EMSY: variants seen among roughly 807,000 people sequenced by gnomAD.
The protein encoded by EMSY is BRCA2-interacting transcriptional repressor EMSY.
Under a neutral mutation model 134.6 loss-of-function variants are expected in EMSY, and 26 were observed. That is an observed-to-expected ratio of 0.19 (90% CI 0.14 to 0.27). EMSY has a LOEUF of 0.27. Among genes scored for constraint, EMSY ranks in the 10% least tolerant of loss-of-function variants. The pLI is 1.00. For missense variants in EMSY, 1,305 were observed against 1,611.4 expected (o/e 0.81, Z 3.26); for synonymous variants, 579 against 577.8 (o/e 1.00, Z -0.03).
intron 9 of EMSY, among the ~76,000 whole-genome samples, chr11:76,509,001 TATTG>T (rs1013194880): frequency 2.0e-5 from 3 of 152,098 alleles, no homozygotes; most frequent in Admixed American, 6.6e-5. Context: ...ACACAACATT[TATTG>T]ATTAAGTACA....
chr11:76,528,428 G>A lies in EMSY; in HGVS notation c.2156G>A (p.Ser719Asn), dbSNP rs760726884. 24 of 1,611,370 alleles carry A rather than the reference G, an allele frequency of 1.5e-5. No individual in the cohort carries two copies. In the Admixed American group the frequency reaches 2.7e-4, roughly 18 times the overall value. ...GAAGAACCACAGAATTATACAGATA[G>A]TAGTTCCTCTTCTACAGAGTCCTCC... Residue 719 changes from serine to asparagine, a missense_variant, in exon 14 of 21, where the codon AGT (serine) becomes AAT (asparagine). Physicochemically the swap from Ser to Asn is conservative, Grantham distance 46 (BLOSUM62 1). Around this residue, in one of 7 missense-constraint regions of EMSY, gnomAD observed 664 missense variants for 763.9 expected, o/e 0.87. Coordinates refer to ENST00000334736, the Ensembl canonical transcript of EMSY.
intron 10 of EMSY, among the ~76,000 whole-genome samples, chr11:76,514,666 G>A (rs1361343313): frequency 6.6e-6 from 1 of 152,048 alleles, no homozygotes; most frequent in Non-Finnish European, 1.5e-5. Flanking sequence ...TCACATTGTT[G>A]TATAACCATC....
In EMSY at chr11:76,454,809, A is replaced by G; in HGVS notation, c.245+1421A>G. ...GTTACAGGTATGCAAATAGGTTATT[A>G]TTATTTCAGGCTTTTTCTTGTATTT... is the stretch of plus-strand genomic sequence containing the variant. On this transcript the variant is annotated intron_variant, in intron 4 of 20. Coordinates refer to ENST00000334736, the Ensembl canonical transcript of EMSY. 1 of 1,425,802 alleles carries G rather than the reference A, an allele frequency of 7.0e-7. No individual in the cohort carries two copies. Among genetic ancestry groups the G allele is most frequent in the Non-Finnish European group, 9.4e-7 (1 of 1,061,526 alleles). 88.3% of individuals were successfully genotyped at this position (1,425,802 alleles called of 1,614,324 possible).
At chr11:76,521,579 G>A (rs1950638423) in intron 11 of EMSY, among the ~76,000 whole-genome samples, 1 of 151,852 alleles carries the variant, frequency 6.6e-6, no homozygotes, top group Non-Finnish European at 1.5e-5. Flanking sequence ...CCTGGGTAAT[G>A]TAGTAAGACC....
chr11:76,544,814 G>C (rs1179333713), exon 19 of EMSY: 1 of 1,613,926 alleles, frequency 6.2e-7, no homozygotes, highest in Non-Finnish European at 8.5e-7. Context: ...GAAACAGACG[G>C]CAAGCCAGGT....
At chr11:76,472,715 C>T (rs1269349081) in exon 8 of EMSY, 2 of 1,614,184 alleles carry the variant, frequency 1.2e-6, no homozygotes, top group Admixed American at 1.7e-5. Context: ...GCTTCACAGT[C>T]CTCTCTGGTC....
chr11:76,513,746 A>G (rs1950355633), intron 10 of EMSY, among the ~76,000 whole-genome samples: 1 of 151,612 alleles, frequency 6.6e-6, no homozygotes, highest in East Asian at 1.9e-4. Flanking sequence ...TTTCCTTTAT[A>G]GCACTTCCCA....
intron 8 of EMSY, among the ~76,000 whole-genome samples, chr11:76,476,137 TG>T (rs1391767514): frequency 6.6e-6 from 1 of 152,238 alleles, no homozygotes; most frequent in Non-Finnish European, 1.5e-5. Flanking sequence ...TCCATAAAAC[TG>T]GTAGCCAAAT....
chr11:76,523,156 A>T, exon 12 of EMSY: 1 of 1,606,116 alleles, frequency 6.2e-7, no homozygotes, highest in Non-Finnish European at 8.5e-7. Context: ...TTTTCTAAGG[A>T]ACGACTACCA....
intron 16 of EMSY, among the ~76,000 whole-genome samples, chr11:76,538,332 T>G (rs1350021403): frequency 6.6e-6 from 1 of 152,184 alleles, no homozygotes; most frequent in African/African-American, 2.4e-5. Context: ...CGATCATGAT[T>G]CACTGCAGCC....
intron 8 of EMSY, among the ~76,000 whole-genome samples, chr11:76,483,858 A>G (rs929200061): frequency 3.3e-5 from 5 of 152,216 alleles, no homozygotes; most frequent in Non-Finnish European, 7.4e-5. Flanking sequence ...AAAATTAACA[A>G]GGATATTCAG....
intron 8 of EMSY, among the ~76,000 whole-genome samples, chr11:76,477,783 T>C (rs1948824426): frequency 6.6e-6 from 1 of 152,256 alleles, no homozygotes; most frequent in African/African-American, 2.4e-5. Flanking sequence ...TTGTTATCTC[T>C]CAAATCCATT....
chr11:76,513,468 T>C (rs755422541), exon 10 of EMSY: 2 of 1,613,722 alleles, frequency 1.2e-6, no homozygotes, highest in East Asian at 4.5e-5. Flanking sequence ...CCAGTAGCAA[T>C]TCCCCTATTA....
chr11:76,520,930 G>A (rs1950617867), intron 11 of EMSY, among the ~76,000 whole-genome samples: 1 of 152,190 alleles, frequency 6.6e-6, no homozygotes, highest in African/African-American at 2.4e-5. Context: ...TTTGATAAAT[G>A]ATATGTAGGC....
At chr11:76,518,196 G>A (rs1328881602) in intron 11 of EMSY, among the ~76,000 whole-genome samples, 7 of 138,744 alleles carry the variant, frequency 5.0e-5, no homozygotes, top group Non-Finnish European at 1.1e-4. Flanking sequence ...TTAAGACAGA[G>A]TATCACTCTG....
chr11:76,451,842 A>G lies in EMSY; in HGVS notation c.71-16A>G. 1 of 1,532,430 alleles carries G rather than the reference A, an allele frequency of 6.5e-7. No individual in the cohort carries two copies. The highest frequency in any genetic ancestry group is 8.8e-7 in the Non-Finnish European group (1 of 1,139,232). 94.9% of individuals were successfully genotyped at this position (1,532,430 alleles called of 1,614,324 possible). On this transcript the variant is annotated splice_polypyrimidine_tract_variant and intron_variant, in intron 2 of 20. Coordinates refer to ENST00000334736, the Ensembl canonical transcript of EMSY. ...TATTAAAGGCCTATCTTGATAAAAT[A>G]ATTTTCTTCTTTTAGAATTGGAGGC...
chr11:76,470,873 G>C (rs1175697338), intron 7 of EMSY, among the ~76,000 whole-genome samples: 1 of 151,960 alleles, frequency 6.6e-6, no homozygotes, highest in Non-Finnish European at 1.5e-5. Context: ...AATTTATCAA[G>C]CTACTTCTGA....
intron 4 of EMSY, among the ~76,000 whole-genome samples, chr11:76,455,555 C>T (rs1247476482): frequency 6.6e-6 from 1 of 152,066 alleles, no homozygotes; most frequent in Non-Finnish European, 1.5e-5. Flanking sequence ...CTCCTCCCCT[C>T]CCCTCCCCCC....
chr11:76,534,589 A>T (rs1951160008), intron 14 of EMSY, among the ~76,000 whole-genome samples: 1 of 152,118 alleles, frequency 6.6e-6, no homozygotes, highest in Non-Finnish European at 1.5e-5. Context: ...ACATTTTTCA[A>T]CAACTTTGTG....
Sources: allele counts gnomAD v4.1 joint callset (sites outside exome capture counted in the v4.1 genomes callset), GRCh38; gene constraint gnomAD v4.1.1; regional missense constraint gnomAD v4.1.1; transcripts MANE v1.5; gene names NCBI Gene and HGNC (gene_info 2026-07-23, HGNC 2026-07-21).